The following KL variants were observed in gnomAD, a reference collection of about 807,000 sequenced individuals.
KL encodes the protein klotho.
KL carries 62 observed loss-of-function variants against 84.2 expected under a neutral mutation model. The ratio of observed to expected loss-of-function variants is 0.74; its 90% CI spans 0.60 to 0.91. KL has a LOEUF of 0.91. KL is among the 40% of genes least tolerant of loss of function. The pLI is 0.00. For synonymous variants in KL, 528 were observed against 528.0 expected (o/e 1.00, Z 0.00); for missense variants, 1,261 against 1,305.7 (o/e 0.97, Z 0.53).
At position 33,017,079 on chromosome 13, in the gene KL, C is replaced by T; in HGVS notation, c.639C>T (p.Ala213=). ...AYGGWANRAL[A]DHFRDYAELC... ...GCGGCTGGGCCAACCGCGCCCTGGC[C>T]GACCACTTCAGGGATTACGCGGAGC... The change falls in exon 1 of 5, where the codon GCC becomes GCT. Residue 213 remains alanine (A), a synonymous_variant. Transcript: ENST00000380099. 1.9e-6 allele frequency: 3 copies of T among 1,604,438 alleles called. No homozygotes were observed. Among genetic ancestry groups the T allele is most frequent in the Non-Finnish European group, 2.5e-6 (3 of 1,179,256 alleles).
intron 1 of KL, among the ~76,000 whole-genome samples, chr13:33,046,201 G>A (rs1593802294): frequency 6.6e-6 from 1 of 152,214 alleles, no homozygotes; most frequent in African/African-American, 2.4e-5. Flanking sequence ...TTTTTGAAGA[G>A]CTTGAAAAGA....
At position 33,016,535 on chromosome 13, in the gene KL, G is replaced by A. The variant is rs1205750173; in HGVS notation, c.95G>A (p.Arg32His). The A allele has an allele frequency of 3.6e-6, 5 of 1,374,418 alleles. No individual in the cohort carries two copies. Among genetic ancestry groups the A allele is most frequent in the African/African-American group, 1.5e-5 (1 of 64,966 alleles). The allele number at this position is 1,374,418 out of a possible 1,614,324, so 85.1% of individuals were successfully genotyped here. ...VLLGLGGRRLRAEPGDGAQTW... is the reference protein window; with the variant it reads ...VLLGLGGRRLHAEPGDGAQTW... ...CTGGGCCTGGGCGGCCGCCGCCTGC[G>A]TGCGGAGCCGGGCGACGGCGCGCAG... Residue 32 changes from arginine (R) to histidine (H), a missense_variant, in exon 1 of 5, where the codon CGT becomes CAT. Transcript: ENST00000380099.
intron 1 of KL, among the ~76,000 whole-genome samples, chr13:33,028,101 C>T (rs773013533): frequency 2.9e-4 from 44 of 152,280 alleles, no homozygotes; most frequent in Middle Eastern, 6.8e-3. Context: ...TTGGCGGAGT[C>T]CACATCTTGC....
At chr13:33,062,565 C>G (rs553054829) in intron 4 of KL, among the ~76,000 whole-genome samples, 113 of 142,820 alleles carry the variant, frequency 7.9e-4, no homozygotes, top group African/African-American at 2.8e-3. Flanking sequence ...CTCAGCTACT[C>G]GGGAGGCTGA....
intron 3 of KL, among the ~76,000 whole-genome samples, chr13:33,056,614 T>C (rs1389304770): frequency 2.1e-5 from 3 of 143,638 alleles, no homozygotes; most frequent in Non-Finnish European, 4.5e-5. Flanking sequence ...AATAACACGG[T>C]GAAACCCCGT....
chr13:33,061,483 G>C lies in KL; in HGVS notation c.2404G>C (p.Asp802His), dbSNP rs776746095. 6.2e-7 allele frequency: 1 copy of C among 1,614,134 alleles called. No homozygotes were observed. The highest frequency in any genetic ancestry group is 1.6e-4 in the Middle Eastern group (1 of 6,062). Residue 802 changes from aspartate to histidine, a missense_variant, in exon 4 of 5, where the codon GAC (aspartate) becomes CAC (histidine). Transcript: ENST00000380099. ...DEKKLIQGTF[D>H]FLALSHYTTI... is the part of the protein sequence containing the mutation. ...AAAAAAGCTAATCCAGGGTACCTTT[G>C]ACTTTTTGGCTTTAAGCCATTATAC...
intron 3 of KL, among the ~76,000 whole-genome samples, chr13:33,055,916 G>T (rs561583655): frequency 6.6e-6 from 1 of 152,278 alleles, no homozygotes; most frequent in Non-Finnish European, 1.5e-5. Context: ...CATTCTTTCA[G>T]ACTTCCTAAA....
At position 33,016,743 on chromosome 13, in the gene KL, G is replaced by A. The variant is rs558187283; in HGVS notation, c.303G>A (p.Pro101=). The A allele has an allele frequency of 2.4e-5, 38 of 1,611,612 alleles. 1 individual carries two copies. The South Asian group carries it at 3.5e-4, about 15-fold the overall frequency. Residue 101 remains proline (P), a synonymous_variant, in exon 1 of 5, where the codon CCG becomes CCA. Transcript: ENST00000380099. ...DTFTHHPLAP[P]GDSRNASLPL... is the part of the protein sequence containing the mutation. ...TCACCCACCACCCCCTGGCACCCCCGGGAGACTCCCGGAACGCCAGTCTGC... is the reference window on the plus strand; with the variant it reads ...TCACCCACCACCCCCTGGCACCCCCAGGAGACTCCCGGAACGCCAGTCTGC...
intron 1 of KL, among the ~76,000 whole-genome samples, chr13:33,024,318 C>G (rs1870678343): frequency 6.6e-6 from 1 of 152,172 alleles, no homozygotes; most frequent in South Asian, 2.1e-4. Context: ...TGAATGTAAC[C>G]TTTGAACAGG....
At position 33,017,790 on chromosome 13, in the gene KL, T is replaced by C. The variant is rs532332601; in HGVS notation, c.819+531T>C. On this transcript the variant is annotated intron_variant, in intron 1 of 4. Coordinates refer to ENST00000380099, the MANE Select transcript of KL (RefSeq NM_004795.4). Reference sequence around the variant, plus strand: ...GTCAGATTTAAACTGTGTTTGGAGGTCCCTTCTGCGGCAGGGCAGGGAACT... The same window carrying C: ...GTCAGATTTAAACTGTGTTTGGAGGCCCCTTCTGCGGCAGGGCAGGGAACT... Among the ~76,000 whole-genome samples, 5 of 152,256 alleles carry C rather than the reference T, an allele frequency of 3.3e-5. No individual in the cohort carries two copies. The East Asian group carries it at 9.6e-4, about 29-fold the overall frequency.
rs927409865 is a variant in KL, at chr13:33,065,018, A to C, written c.*832A>C. On this transcript the variant is annotated 3_prime_UTR_variant, in exon 5 of 5. Coordinates refer to ENST00000380099, the MANE Select transcript of KL (RefSeq NM_004795.4). ...ACCGCAGTGGCTCTAGGTGGAGGAAAGGAGGAAAAAGTGCTTATTATGTGC... is the reference window on the plus strand; with the variant it reads ...ACCGCAGTGGCTCTAGGTGGAGGAACGGAGGAAAAAGTGCTTATTATGTGC... 4.4e-6 allele frequency: 1 copy of C among 228,468 alleles called. No homozygotes were observed. The highest frequency in any genetic ancestry group is 8.7e-6 in the Non-Finnish European group (1 of 115,134). 14.2% of individuals were successfully genotyped at this position (228,468 alleles called of 1,614,324 possible).
rs377645721 is a variant in KL at position 33,016,735 on chromosome 13, G to C, written c.295G>C (p.Ala99Pro). The change falls in exon 1 of 5, where the codon GCA becomes CCA. Residue 99 changes from alanine (A) to proline (P), a missense_variant. Coordinates refer to ENST00000380099, the MANE Select transcript of KL (RefSeq NM_004795.4). ...IWDTFTHHPL[A>P]PPGDSRNASL... ...GGATACGTTCACCCACCACCCCCTGGCACCCCCGGGAGACTCCCGGAACGC... is the reference window on the plus strand; with the variant it reads ...GGATACGTTCACCCACCACCCCCTGCCACCCCCGGGAGACTCCCGGAACGC... 14 of 1,610,960 alleles carry C rather than the reference G, an allele frequency of 8.7e-6. No homozygotes were observed. Among genetic ancestry groups the C allele is most frequent in the Non-Finnish European group, 9.3e-6 (11 of 1,179,026 alleles).
At chr13:33,031,554 A>G (rs749109247) in intron 1 of KL, among the ~76,000 whole-genome samples, 2 of 152,244 alleles carry the variant, frequency 1.3e-5, no homozygotes, top group African/African-American at 2.4e-5. Flanking sequence ...TGGCTCTAAA[A>G]TGAACATTTA....
chr13:33,034,438 A>G lies in KL; in HGVS notation c.819+17179A>G, dbSNP rs147271331. Among the ~76,000 whole-genome samples, 4 of 152,332 alleles carry G rather than the reference A, an allele frequency of 2.6e-5. No homozygotes were observed. In the East Asian group the frequency reaches 7.7e-4, roughly 29 times the overall value. ...ATAGCGATGGGAAGGATTCTTGCCT[A>G]ATAGGGACACAAACGGATTTTGTTC... On this transcript the variant is annotated intron_variant, in intron 1 of 4. Transcript: ENST00000380099.
At chr13:33,032,494 G>A (rs1871007323) in intron 1 of KL, among the ~76,000 whole-genome samples, 1 of 152,198 alleles carries the variant, frequency 6.6e-6, no homozygotes, top group Admixed American at 6.5e-5. Flanking sequence ...TACACAAGTG[G>A]TCTCAGATTA....
intron 1 of KL, among the ~76,000 whole-genome samples, chr13:33,023,596 G>T (rs985045621): frequency 9.9e-5 from 15 of 152,058 alleles, no homozygotes; most frequent in Non-Finnish European, 8.8e-5. Flanking sequence ...GTGGTAAAAA[G>T]ATACATACTA....
rs1872386088 is a variant in KL at position 33,065,663 on chromosome 13, A to G, written c.*1477A>G. On this transcript the variant is annotated 3_prime_UTR_variant, in exon 5 of 5. Coordinates refer to ENST00000380099, the MANE Select transcript of KL (RefSeq NM_004795.4). ...TGGACTTATTAAAATTGGATGCTAG[A>G]GAATCAAGTTTATTTTATGTATATA... The G allele has an allele frequency of 5.6e-6, 1 of 178,516 alleles. No individual in the cohort carries two copies. The allele number at this position is 178,516 out of a possible 1,614,324, so 11.1% of individuals were successfully genotyped here.
rs650439 is a variant in KL at position 33,061,802 on chromosome 13, T to A, written c.2701+22T>A. ...AAAGGTAAGGAGCCCTAGCTGCGGC[T>A]ATCTCCTGAAGGTTATGTCACCAGA... On this transcript the variant is annotated intron_variant, in intron 4 of 4. Coordinates refer to ENST00000380099, the MANE Select transcript of KL (RefSeq NM_004795.4). 1,352,701 of 1,609,134 alleles carry A rather than the reference T, an allele frequency of 0.84. 570,873 individuals are homozygous for A. Among genetic ancestry groups the A allele is most frequent in the Non-Finnish European group, 0.86 (1,009,803 of 1,179,240 alleles).
chr13:33,018,452 T>C (rs1289544222), intron 1 of KL, among the ~76,000 whole-genome samples: 1 of 152,208 alleles, frequency 6.6e-6, no homozygotes, highest in Non-Finnish European at 1.5e-5. Flanking sequence ...GTTGTAATAA[T>C]GGCTAAATTA....
Sources: gnomAD v4.1 joint callset for allele counts (sites outside exome capture counted in the v4.1 genomes callset) on GRCh38, gnomAD v4.1.1 for gene constraint, MANE v1.5 for transcripts, NCBI Gene and HGNC (gene_info 2026-07-23, HGNC 2026-07-21) for gene names.